The following CSMD1 variants were observed in gnomAD, a reference collection of about 807,000 sequenced individuals.
CSMD1 encodes CUB and sushi domain-containing protein 1.
CSMD1 carries 213 observed loss-of-function variants against 417.5 expected under a neutral mutation model. The ratio of observed to expected loss-of-function variants is 0.51; its 90% CI spans 0.46 to 0.57. The LOEUF is 0.57. Ranked by LOEUF, CSMD1 falls within the 20% of genes least tolerant of loss-of-function variation. CSMD1 has a pLI of 0.00. For synonymous variants in CSMD1, 2,862 were observed against 1,736.8 expected (o/e 1.65, Z -16.11); for missense variants, 6,923 against 4,529.7 (o/e 1.53, Z -15.17).
chr8:4,962,196 T>TAAA (rs1328621034), intron 1 of CSMD1, among the ~76,000 whole-genome samples: 2 of 143,216 alleles, frequency 1.4e-5, no homozygotes, highest in South Asian at 2.3e-4. Flanking sequence ...TGCTTTTTTT[T>TAAA]TAAAAAAAAA....
At chr8:4,052,445 G>A (rs1033543852) in intron 3 of CSMD1, among the ~76,000 whole-genome samples, 6 of 152,134 alleles carry the variant, frequency 3.9e-5, no homozygotes, top group Non-Finnish European at 5.9e-5. Context: ...GTAGTGAGGG[G>A]TGATTTTGCC....
At chr8:4,363,128 G>A (rs988962605) in intron 3 of CSMD1, among the ~76,000 whole-genome samples, 5 of 152,180 alleles carry the variant, frequency 3.3e-5, no homozygotes, top group Non-Finnish European at 7.3e-5. Context: ...ACTTTCAACA[G>A]AGTAAATAAT....
rs1340010869 is a variant in CSMD1, at chr8:4,237,868, T to G, written c.415+182085A>C. Among the ~76,000 whole-genome samples, 3 of 152,282 alleles carry G rather than the reference T, an allele frequency of 2.0e-5. No homozygotes were observed. In the East Asian group the frequency reaches 5.8e-4, roughly 29 times the overall value. The stretch of plus-strand genomic sequence containing the variant: ...TATTGTATTATTTTTTTCTGGACAA[T>G]GCCTTATGTTCCTTAAACAGAAGTC... On this transcript the variant is annotated intron_variant, in intron 3 of 69. Transcript: ENST00000635120.
At chr8:4,195,902 C>G (rs918586970) in intron 3 of CSMD1, among the ~76,000 whole-genome samples, 5 of 152,022 alleles carry the variant, frequency 3.3e-5, no homozygotes, top group Non-Finnish European at 5.9e-5. Context: ...AGTCCCACCC[C>G]GAGAAAACTA....
intron 1 of CSMD1, among the ~76,000 whole-genome samples, chr8:4,741,677 C>G (rs2117007043): frequency 6.6e-6 from 1 of 152,260 alleles, no homozygotes; most frequent in South Asian, 2.1e-4. Context: ...TTCAGTAAAT[C>G]ACATCTTTTC....
chr8:4,670,622 T>C (rs971683732), intron 1 of CSMD1, among the ~76,000 whole-genome samples: 1 of 152,202 alleles, frequency 6.6e-6, no homozygotes, highest in Non-Finnish European at 1.5e-5. Context: ...ATTTTGATAA[T>C]ATCACTATGC....
intron 1 of CSMD1, among the ~76,000 whole-genome samples, chr8:4,640,681 C>G (rs902392446): frequency 3.9e-5 from 6 of 152,074 alleles, no homozygotes; most frequent in Non-Finnish European, 7.4e-5. Context: ...TAATGGACAA[C>G]TTTTAAATGC....
chr8:3,589,411 C>T (rs1238808704), intron 8 of CSMD1, among the ~76,000 whole-genome samples: 6 of 150,832 alleles, frequency 4.0e-5, no homozygotes, highest in African/African-American at 9.8e-5. Context: ...TGTGTTCACG[C>T]GTGTGTGTAC....
chr8:3,110,908 T>A (rs548936859), intron 42 of CSMD1, among the ~76,000 whole-genome samples: 2 of 152,356 alleles, frequency 1.3e-5, no homozygotes, highest in African/African-American at 2.4e-5. Context: ...CTTGAAGAAC[T>A]AAAACAATAC....
At chr8:3,475,930 A>G (rs1817384407) in intron 11 of CSMD1, among the ~76,000 whole-genome samples, 1 of 152,244 alleles carries the variant, frequency 6.6e-6, no homozygotes, top group Non-Finnish European at 1.5e-5. Context: ...CAGTAACTTT[A>G]TGATGTTTTG....
intron 3 of CSMD1, among the ~76,000 whole-genome samples, chr8:4,071,498 A>G (rs1310452343): frequency 6.6e-6 from 1 of 152,034 alleles, no homozygotes; most frequent in Non-Finnish European, 1.5e-5. Context: ...CACCAAGAGC[A>G]TTGCTTCCTT....
chr8:3,604,111 C>CT (rs1387616088), intron 8 of CSMD1, among the ~76,000 whole-genome samples: 2 of 152,128 alleles, frequency 1.3e-5, no homozygotes, highest in African/African-American at 2.4e-5. Flanking sequence ...AGGCTCTGTA[C>CT]TGAACACTGG....
At chr8:3,287,006 T>C (rs1803211709) in intron 25 of CSMD1, among the ~76,000 whole-genome samples, 1 of 152,088 alleles carries the variant, frequency 6.6e-6, no homozygotes, top group Admixed American at 6.6e-5. Context: ...TTGTATAAGG[T>C]GTAAGGAAGG....
At chr8:4,677,965 A>C (rs1280744613) in intron 1 of CSMD1, among the ~76,000 whole-genome samples, 1 of 152,206 alleles carries the variant, frequency 6.6e-6, no homozygotes, top group Admixed American at 6.5e-5. Flanking sequence ...AAATAGACAT[A>C]AAGCCTGCCT....
At chr8:4,550,631 G>A (rs566768345) in intron 2 of CSMD1, among the ~76,000 whole-genome samples, 5 of 152,190 alleles carry the variant, frequency 3.3e-5, no homozygotes, top group Admixed American at 2.6e-4. Context: ...CATAGATGTT[G>A]GGATTTAAAA....
chr8:3,930,520 G>T (rs945536200), intron 5 of CSMD1, among the ~76,000 whole-genome samples: 1 of 150,206 alleles, frequency 6.7e-6, no homozygotes, highest in African/African-American at 2.5e-5. Flanking sequence ...CTCTGCCTTT[G>T]CCTCTTTTCA....
chr8:3,146,360 A>G (rs1189772243), intron 40 of CSMD1, among the ~76,000 whole-genome samples: 1 of 152,136 alleles, frequency 6.6e-6, no homozygotes, highest in African/African-American at 2.4e-5. Context: ...CACAACTATC[A>G]GGTTTAGCTA....
At chr8:3,156,883 G>A (rs922007827) in intron 39 of CSMD1, among the ~76,000 whole-genome samples, 1 of 151,472 alleles carries the variant, frequency 6.6e-6, no homozygotes, top group Admixed American at 6.6e-5. Context: ...AAGAATCACA[G>A]GGGAGGATAC....
intron 10 of CSMD1, among the ~76,000 whole-genome samples, chr8:3,574,088 A>G (rs1350507766): frequency 6.6e-6 from 1 of 152,200 alleles, no homozygotes; most frequent in African/African-American, 2.4e-5. Context: ...AAATAACAGT[A>G]TTACCCTCTA....
Sources: gnomAD v4.1 joint callset for allele counts (sites outside exome capture counted in the v4.1 genomes callset) on GRCh38, gnomAD v4.1.1 for gene constraint, MANE v1.5 for transcripts, NCBI Gene and HGNC (gene_info 2026-07-23, HGNC 2026-07-21) for gene names.